TMEM272: variants seen among roughly 807,000 people sequenced by gnomAD.
The protein encoded by TMEM272 is transmembrane protein 272.
Under a neutral mutation model 3.7 loss-of-function variants are expected in TMEM272, and 8 were observed. The observed-to-expected ratio is 2.17, with a 90% confidence interval of 1.27 to 3.91. TMEM272 has a LOEUF of 3.91. Ranked by LOEUF, TMEM272 falls within the 30% of genes most tolerant of loss-of-function variation. TMEM272 has a pLI of 0.00. For synonymous variants in TMEM272, 63 were observed against 39.8 expected, an observed-to-expected ratio of 1.58 and a Z score of -2.20; for missense variants, 166 against 91.5, an observed-to-expected ratio of 1.81 and a Z score of -3.32.
chr13:51,913,450 C>T, the TMEM272 span, among the ~76,000 whole-genome samples: 1 of 152,182 alleles, frequency 6.6e-6, no homozygotes, highest in East Asian at 1.9e-4. Context: ...ATATTGTCTC[C>T]CTGCTCTCTA....
At chr13:51,902,853 CAGCCCTGACAGCAA>C in the TMEM272 span, among the ~76,000 whole-genome samples, 2 of 152,274 alleles carry the variant, frequency 1.3e-5, no homozygotes, top group East Asian at 3.8e-4. Flanking sequence ...ATAACTAACA[CAGCCCTGACAGCAA>C]TTGGTTATTG....
At chr13:51,931,872 T>A in the TMEM272 span, among the ~76,000 whole-genome samples, 1 of 152,062 alleles carries the variant, frequency 6.6e-6, no homozygotes, top group Non-Finnish European at 1.5e-5. Context: ...CCTCAATGAT[T>A]CTACAGAGAT....
the TMEM272 span, among the ~76,000 whole-genome samples, chr13:51,887,067 T>C: frequency 1.3e-5 from 2 of 152,160 alleles, no homozygotes; most frequent in African/African-American, 4.8e-5. Flanking sequence ...TAAAACGCTA[T>C]AAAGGTCTTC....
At chr13:51,879,222 G>C in the TMEM272 span, among the ~76,000 whole-genome samples, 2 of 152,170 alleles carry the variant, frequency 1.3e-5, no homozygotes, top group Non-Finnish European at 2.9e-5. Flanking sequence ...AGCGAGGTGA[G>C]AGCCCAGCAC....
At chr13:51,821,563 A>G (rs1956078536) in intron 4 of TMEM272, among the ~76,000 whole-genome samples, 1 of 152,024 alleles carries the variant, frequency 6.6e-6, no homozygotes, top group African/African-American at 2.4e-5. Context: ...ATGTTAGTCA[A>G]TTGAGAACTA....
chr13:51,883,056 G>A, the TMEM272 span, among the ~76,000 whole-genome samples: 1 of 152,224 alleles, frequency 6.6e-6, no homozygotes, highest in African/African-American at 2.4e-5. Flanking sequence ...GACGAACACA[G>A]TAGCACCTGA....
At chr13:51,910,630 G>A in the TMEM272 span, 28 of 540,482 alleles carry the variant, frequency 5.2e-5, no homozygotes, top group African/African-American at 7.6e-5. Flanking sequence ...ATAGTGCCAA[G>A]GCTGCTCTGG....
the TMEM272 span, chr13:51,921,367 C>G: frequency 6.6e-6 from 1 of 152,320 alleles, no homozygotes; most frequent in South Asian, 2.1e-4. Context: ...TACTGGACTC[C>G]AGGAGGCTCC....
chr13:51,930,702 T>C, the TMEM272 span: 3 of 150,680 alleles, frequency 2.0e-5, no homozygotes, highest in African/African-American at 7.3e-5. Context: ...CTCAATTGTA[T>C]ACACATTAGG....
the TMEM272 span, among the ~76,000 whole-genome samples, chr13:51,915,558 T>A: frequency 6.6e-6 from 1 of 152,144 alleles, no homozygotes; most frequent in Non-Finnish European, 1.5e-5. Flanking sequence ...AGATCTGGGG[T>A]TCCTCTACTG....
the TMEM272 span, among the ~76,000 whole-genome samples, chr13:51,871,817 CACACACACACACACACACACACACACAA>C: frequency 6.7e-6 from 1 of 148,696 alleles, no homozygotes; most frequent in African/African-American, 2.5e-5. Context: ...CACACACACA[CACACACACACACACACACACACACACAA>C]ACAGAGACGC....
rs566285700 is a variant in TMEM272, at chr13:51,833,659, G to C, written c.58+4814C>G. The stretch of plus-strand genomic sequence containing the variant: ...GGGCTTTAGGGAAAGGATGTATTCG[G>C]TTCAGAATTCACTGCATTTAATGTG... On this transcript the variant is annotated intron_variant, in intron 2 of 4. Coordinates refer to ENST00000629372, the MANE Select transcript of TMEM272 (RefSeq NM_001351003.2). Among the ~76,000 whole-genome samples the C allele has an allele frequency of 7.7e-4, 118 of 152,308 alleles. 1 individual carries two copies. The highest frequency in any genetic ancestry group is 1.2e-3 in the Non-Finnish European group (82 of 68,024).
chr13:51,865,651 A>G, the TMEM272 span: 3,929 of 1,614,130 alleles, frequency 2.4e-3, 98 homozygotes, highest in African/African-American at 0.046. Context: ...AAGAGGAGAG[A>G]CCTTTCTGGG....
chr13:51,929,792 T>C, the TMEM272 span, among the ~76,000 whole-genome samples: 4 of 152,244 alleles, frequency 2.6e-5, no homozygotes, highest in South Asian at 2.1e-4. Flanking sequence ...GGGACAGTTA[T>C]GCAAATAGCT....
the TMEM272 span, chr13:51,865,593 TC>T: frequency 6.2e-7 from 1 of 1,614,162 alleles, no homozygotes; most frequent in Non-Finnish European, 8.5e-7. Context: ...ATGTGGACTT[TC>T]CGAGGCAAGA....
At chr13:51,922,353 A>G in the TMEM272 span, among the ~76,000 whole-genome samples, 1 of 152,226 alleles carries the variant, frequency 6.6e-6, no homozygotes, top group African/African-American at 2.4e-5. Context: ...GCCCAGGCTT[A>G]GGCTCCTGTT....
chr13:51,904,724 G>A, the TMEM272 span, among the ~76,000 whole-genome samples: 1 of 152,154 alleles, frequency 6.6e-6, no homozygotes, highest in African/African-American at 2.4e-5. Context: ...GAGCATTTTA[G>A]ATTTTAGATT....
chr13:51,818,599 C>T (rs546676630), intron 4 of TMEM272, among the ~76,000 whole-genome samples: 10 of 152,294 alleles, frequency 6.6e-5, no homozygotes, highest in African/African-American at 2.4e-4. Context: ...CAGCCTGAGG[C>T]TAGAGGTACT....
At chr13:51,886,834 C>T in the TMEM272 span, among the ~76,000 whole-genome samples, 3 of 152,162 alleles carry the variant, frequency 2.0e-5, no homozygotes, top group African/African-American at 7.2e-5. Flanking sequence ...GAGACCAAGT[C>T]AAATAACTTA....
Sources: gnomAD v4.1 joint callset for allele counts (sites outside exome capture counted in the v4.1 genomes callset) on GRCh38, gnomAD v4.1.1 for gene constraint, MANE v1.5 for transcripts, NCBI Gene and HGNC (gene_info 2026-07-23, HGNC 2026-07-21) for gene names.